IDE: variants seen among roughly 807,000 people sequenced by gnomAD.
IDE encodes insulin-degrading enzyme.
IDE carries 58 observed loss-of-function variants against 133.2 expected under a neutral mutation model. The ratio of observed to expected loss-of-function variants is 0.44; its 90% CI spans 0.35 to 0.54. The LOEUF (loss-of-function observed/expected upper bound fraction) is 0.54, where lower values mean the gene tolerates loss of function less well. IDE is among the 20% of genes least tolerant of loss of function. The pLI is 0.00. For synonymous variants in IDE, 396 were observed against 421.3 expected, an observed-to-expected ratio of 0.94 and a Z score of 0.73; for missense variants, 981 against 1,234.0, an observed-to-expected ratio of 0.79 and a Z score of 3.07.
intron 1 of IDE, among the ~76,000 whole-genome samples, chr10:92,562,215 C>A (rs989141985): frequency 1.3e-5 from 2 of 152,164 alleles, no homozygotes; most frequent in African/African-American, 4.8e-5. Context: ...ATGCCACATC[C>A]CAGCCTACTG....
chr10:92,479,365 A>C lies in IDE; in HGVS notation c.1796T>G (p.Leu599Arg). ...HCNMAYLYLE[L>R]LKDSLNEYAY... ...ATACTCGTTGAGTGAGTCTTTGAGG[A>C]GCTCAAGGTACAAATAGGCCATGTT... The change falls in exon 15 of 25, where the codon CTC (leucine) becomes CGC (arginine). Residue 599 changes from leucine (L) to arginine (R), a missense_variant. Leu to Arg is a moderately radical substitution (Grantham distance 102). Coordinates refer to ENST00000265986, the MANE Select transcript of IDE (RefSeq NM_004969.4). 6.2e-7 allele frequency: 1 copy of C among 1,612,890 alleles called. No homozygotes were observed. The highest frequency in any genetic ancestry group is 8.5e-7 in the Non-Finnish European group (1 of 1,178,854).
chr10:92,462,585 C>T (rs1845452680), intron 21 of IDE, among the ~76,000 whole-genome samples: 2 of 151,936 alleles, frequency 1.3e-5, no homozygotes. Flanking sequence ...CCAGCCTGGG[C>T]AACAAGAGCG....
intron 1 of IDE, among the ~76,000 whole-genome samples, chr10:92,569,464 T>C (rs141460037): frequency 8.7e-4 from 132 of 152,278 alleles, no homozygotes; most frequent in African/African-American, 3.0e-3. Context: ...CTCACTGATG[T>C]AAGATGTTAC....
At chr10:92,560,382 T>C (rs1999764) in intron 1 of IDE, among the ~76,000 whole-genome samples, 15,544 of 152,226 alleles carry the variant, frequency 0.1, 924 homozygotes, top group South Asian at 0.17. Flanking sequence ...TTCTTGGTCT[T>C]CCCTACCTTG....
intron 4 of IDE, among the ~76,000 whole-genome samples, chr10:92,518,490 T>C (rs978887776): frequency 2.0e-4 from 31 of 152,346 alleles, no homozygotes; most frequent in South Asian, 4.1e-4. Flanking sequence ...CACTGCCTGA[T>C]GGAGTGCATC....
intron 11 of IDE, among the ~76,000 whole-genome samples, chr10:92,493,022 A>G (rs1310905719): frequency 6.6e-6 from 1 of 152,230 alleles, no homozygotes; most frequent in Non-Finnish European, 1.5e-5. Flanking sequence ...AGTTCTAGAA[A>G]ACATGCTAAA....
Position 92,464,534 on chromosome 10 carries a change from C to T in IDE, c.2489-531G>A, listed in dbSNP as rs746718561. ...TGTTATCTCATGAGGACATGCACTA[C>T]CTTCCTTCAACACCTTTTCAAAACC... On this transcript the variant is annotated intron_variant, in intron 20 of 24. Transcript: ENST00000265986. Among the ~76,000 whole-genome samples, 78 of 152,326 alleles carry T rather than the reference C, an allele frequency of 5.1e-4. 1 individual carries two copies. The highest frequency in any genetic ancestry group is 1.7e-3 in the Admixed American group (26 of 15,312).
At chr10:92,454,829 T>C (rs750795800) in intron 24 of IDE, among the ~76,000 whole-genome samples, 13 of 152,102 alleles carry the variant, frequency 8.5e-5, no homozygotes, top group Admixed American at 2.0e-4. Flanking sequence ...ACCAAGGACT[T>C]AGAGGCTTCG....
chr10:92,456,980 T>TC (rs1034915500), intron 22 of IDE, among the ~76,000 whole-genome samples: 1 of 152,096 alleles, frequency 6.6e-6, no homozygotes, highest in Non-Finnish European at 1.5e-5. Context: ...TCTTTTTTTT[T>TC]CCTTTCCTTT....
chr10:92,502,077 G>C (rs1347719049), intron 11 of IDE, among the ~76,000 whole-genome samples: 3 of 152,158 alleles, frequency 2.0e-5, no homozygotes, highest in Non-Finnish European at 4.4e-5. Flanking sequence ...AAGAGGTCAA[G>C]GCTGCAGTGA....
At chr10:92,549,103 C>G (rs1564670890) in intron 1 of IDE, among the ~76,000 whole-genome samples, 2 of 151,942 alleles carry the variant, frequency 1.3e-5, no homozygotes, top group African/African-American at 4.8e-5. Context: ...ACTAAAAATA[C>G]AAAAATCAGC....
intron 1 of IDE, among the ~76,000 whole-genome samples, chr10:92,551,886 A>C (rs1223733953): frequency 1.3e-4 from 20 of 152,148 alleles, no homozygotes; most frequent in African/African-American, 4.6e-4. Context: ...TTGTTACCCC[A>C]GTACTTTGGA....
intron 24 of IDE, among the ~76,000 whole-genome samples, chr10:92,454,933 A>T (rs1844912516): frequency 6.6e-6 from 1 of 152,128 alleles, no homozygotes; most frequent in Non-Finnish European, 1.5e-5. Context: ...AGCTAATGTC[A>T]ATCCTTCTAG....
intron 5 of IDE, among the ~76,000 whole-genome samples, chr10:92,513,584 A>G (rs1848739551): frequency 6.6e-6 from 1 of 151,704 alleles, no homozygotes; most frequent in African/African-American, 2.4e-5. Context: ...ATGTTTTTGT[A>G]AACAGCTTTT....
chr10:92,519,991 C>G (rs1240228013), intron 4 of IDE, among the ~76,000 whole-genome samples: 1 of 152,136 alleles, frequency 6.6e-6, no homozygotes, highest in Non-Finnish European at 1.5e-5. Context: ...GTAGTCCCAG[C>G]TACTCGGGGA....
chr10:92,475,720 A>G (rs1045067413), intron 16 of IDE, among the ~76,000 whole-genome samples, 164 bp downstream of exon 16: 2 of 151,964 alleles, frequency 1.3e-5, no homozygotes, highest in African/African-American at 4.8e-5. Context: ...TTCTTTCTGG[A>G]TGGAGTATAG....
intron 11 of IDE, among the ~76,000 whole-genome samples, chr10:92,504,359 G>A (rs1363382969): frequency 1.3e-5 from 2 of 152,124 alleles, no homozygotes; most frequent in Non-Finnish European, 2.9e-5. Context: ...CAATCAGGAG[G>A]ATTCTGAGAT....
intron 1 of IDE, chr10:92,554,997 C>G (rs1373302324): frequency 2.0e-5 from 3 of 152,096 alleles, no homozygotes; most frequent in African/African-American, 4.8e-5. Flanking sequence ...AAACTCTCAA[C>G]AAATTAGGTA....
At chr10:92,556,179 C>CAAAAAAAA (rs60008680) in intron 1 of IDE, among the ~76,000 whole-genome samples, 12 of 69,172 alleles carry the variant, frequency 1.7e-4, no homozygotes, top group South Asian at 6.8e-4. Flanking sequence ...GACTCCGTCT[C>CAAAAAAAA]AAAAAAAAAA....
Sources: allele counts gnomAD v4.1 joint callset (sites outside exome capture counted in the v4.1 genomes callset), GRCh38; gene constraint gnomAD v4.1.1; transcripts MANE v1.5; gene names NCBI Gene and HGNC (gene_info 2026-07-23, HGNC 2026-07-21).